Variants in TACC3 observed in about 807,000 individuals in gnomAD.
TACC3 encodes the protein transforming acidic coiled-coil containing protein 3, also known as transforming acidic coiled-coil-containing protein 3.
TACC3 carries 52 observed loss-of-function variants against 86.0 expected under a neutral mutation model. That is an observed-to-expected ratio of 0.60 (90% CI 0.48 to 0.76). The LOEUF is 0.76. Ranked by LOEUF, TACC3 falls within the 30% of genes least tolerant of loss-of-function variation. The probability of loss-of-function intolerance (pLI) is 0.00; values close to 1 mark genes in which losing one functional copy is unlikely to be tolerated. For synonymous variants in TACC3, 512 were observed against 430.0 expected, an observed-to-expected ratio of 1.19 and a Z score of -2.36; for missense variants, 1,120 against 1,070.4, an observed-to-expected ratio of 1.05 and a Z score of -0.65.
intron 4 of TACC3, 154 bp from the exon 5 acceptor site, chr4:1,730,733 C>A: frequency 1.1e-6 from 1 of 908,892 alleles, no homozygotes; most frequent in Non-Finnish European, 1.8e-6. Flanking sequence ...GGCCAGGTCG[C>A]TTGGGACAGC....
At chr4:1,729,868 A>T (rs1190055018) in intron 4 of TACC3, among the ~76,000 whole-genome samples, 2 of 152,038 alleles carry the variant, frequency 1.3e-5, no homozygotes. Flanking sequence ...CGCTAGACCA[A>T]GCTAGGTAAC....
chr4:1,723,409 C>A lies in TACC3; in HGVS notation c.-1-12C>A, dbSNP rs563025891. On this transcript the variant is annotated splice_polypyrimidine_tract_variant and intron_variant, in intron 1 of 15. Transcript: ENST00000313288. ...GCCCTCACACTGACACAAACATGTT[C>A]TGCTTTTCCAGAATGAGTCTGCAGG... 3.2e-5 allele frequency: 51 copies of A among 1,610,574 alleles called. No homozygotes were observed. Among genetic ancestry groups the A allele is most frequent in the Non-Finnish European group, 4.2e-5 (49 of 1,178,188 alleles).
intron 5 of TACC3, 35 bp from the exon 6 acceptor site, chr4:1,731,137 T>C (rs1308476996): frequency 6.2e-7 from 1 of 1,610,528 alleles, no homozygotes; most frequent in African/African-American, 1.3e-5. Flanking sequence ...GTACCTTGAC[T>C]GCACTGCACA....
rs1167514156 is a variant in TACC3, at chr4:1,737,666, C to G, written c.1905C>G (p.Asp635Glu). Reference protein sequence around the residue: ...GPPLSTGPIVDLLQYSQKDLD... With the variant: ...GPPLSTGPIVELLQYSQKDLD... ...CCCTGTCCACCGGACCTATAGTGGA[C>G]CTGCTCCAGTACAGCCAGAAGGACC... Residue 635 changes from aspartate to glutamate, a missense_variant, in exon 10 of 16, where the codon GAC becomes GAG. Transcript: ENST00000313288. 1.3e-6 allele frequency: 2 copies of G among 1,550,334 alleles called. No individual in the cohort carries two copies. Among genetic ancestry groups the G allele is most frequent in the East Asian group, 4.9e-5 (2 of 40,922 alleles).
At chr4:1,732,228 C>T (rs943400582) in intron 6 of TACC3, among the ~76,000 whole-genome samples, 7 of 148,196 alleles carry the variant, frequency 4.7e-5, no homozygotes, top group African/African-American at 1.0e-4. Context: ...ACGGTTTGTC[C>T]GTAAGATTGG....
chr4:1,731,682 C>G (rs997654538), intron 6 of TACC3, among the ~76,000 whole-genome samples: 6 of 152,118 alleles, frequency 3.9e-5, no homozygotes, highest in African/African-American at 1.2e-4. Context: ...GTCACCCAGC[C>G]TGGAATGCAG....
At chr4:1,723,971 T>TTTG in intron 3 of TACC3, 101 bp downstream of exon 3, 6 of 1,373,792 alleles carry the variant, frequency 4.4e-6, no homozygotes, top group Non-Finnish European at 6.0e-6. Context: ...TGGCTGGATT[T>TTTG]TTTGTTTGTT....
chr4:1,723,635 T>C lies in TACC3; in HGVS notation c.162+52T>C, dbSNP rs775999949. 3 of 1,609,310 alleles carry C rather than the reference T, an allele frequency of 1.9e-6. No homozygotes were observed. In the South Asian group the frequency reaches 3.3e-5, roughly 18 times the overall value. ...CTGGCCAGGTTGCCCTAGGGCCTGC[T>C]TTCTTGGTGACCTCTGAGCTGCAGG... On this transcript the variant is annotated intron_variant, in intron 2 of 15. Transcript: ENST00000313288.
Position 1,735,666 on chromosome 4 carries a change from C to T in TACC3, c.1645-65C>T, listed in dbSNP as rs1718220730. 1.6e-6 allele frequency: 2 copies of T among 1,263,352 alleles called. No homozygotes were observed. Among genetic ancestry groups the T allele is most frequent in the Admixed American group, 3.8e-5 (2 of 52,150 alleles). 78.3% of individuals were successfully genotyped at this position (1,263,352 alleles called of 1,614,324 possible). On this transcript the variant is annotated intron_variant, in intron 7 of 15. Coordinates refer to ENST00000313288, the MANE Select transcript of TACC3 (RefSeq NM_006342.3). This position sits in a 1 kb window ranked among gnomAD's most constrained non-coding sequence, Gnocchi z 4.2. The stretch of plus-strand genomic sequence containing the variant: ...GGGAGTGTGCAGGTGACCTCCCTGG[C>T]CCTTAGCCCCCGTGTGTGTTAGGGG...
intron 13 of TACC3, among the ~76,000 whole-genome samples, chr4:1,742,798 CA>C (rs755757373): frequency 3.6e-4 from 48 of 133,088 alleles, no homozygotes; most frequent in Admixed American, 5.3e-4. Flanking sequence ...GACTCCATCT[CA>C]AAAAAAAAAA....
chr4:1,743,990 A>AG (rs1012971183), intron 13 of TACC3, among the ~76,000 whole-genome samples: 1 of 152,126 alleles, frequency 6.6e-6, no homozygotes, highest in African/African-American at 2.4e-5. Context: ...GAAGGCAGGT[A>AG]GGCTGAGCCT....
Position 1,723,183 on chromosome 4 carries a change from G to A in TACC3, c.-1-238G>A, listed in dbSNP as rs554842878. 4 of 549,560 alleles carry A rather than the reference G, an allele frequency of 7.3e-6. No individual in the cohort carries two copies. In the East Asian group the frequency reaches 1.2e-4, roughly 17 times the overall value. The allele number at this position is 549,560 out of a possible 1,614,324, so 34.0% of individuals were successfully genotyped here. ...GCCCTTTAGCTCTTGGTCCCAGGAA[G>A]CAGCAGTGCTGCCCATGGCTCCCCC... On this transcript the variant is annotated intron_variant, in intron 1 of 15. Coordinates refer to ENST00000313288, the MANE Select transcript of TACC3 (RefSeq NM_006342.3).
Position 1,745,053 on chromosome 4 carries a change from T to C in TACC3, c.*40T>C, listed in dbSNP as rs1718785061. 5 of 1,559,586 alleles carry C rather than the reference T, an allele frequency of 3.2e-6. No homozygotes were observed. Among genetic ancestry groups the C allele is most frequent in the Non-Finnish European group, 4.3e-6 (5 of 1,149,640 alleles). On this transcript the variant is annotated 3_prime_UTR_variant, in exon 16 of 16. Coordinates refer to ENST00000313288, the MANE Select transcript of TACC3 (RefSeq NM_006342.3). ...CTGTCCCCGCCCCCCTGCTCCCGTCTGTCTGTCCTGTCTGATTCTCTTAGG... is the reference window on the plus strand; with the variant it reads ...CTGTCCCCGCCCCCCTGCTCCCGTCCGTCTGTCCTGTCTGATTCTCTTAGG...
chr4:1,733,967 ACT>A lies in TACC3; in HGVS notation c.1592-1303_1592-1302del, dbSNP rs1311072060. On this transcript the variant is annotated intron_variant, in intron 6 of 15. Coordinates refer to ENST00000313288, the MANE Select transcript of TACC3 (RefSeq NM_006342.3). ...CACTCCACCTGAGCAACAGAGCAAG[ACT>A]CTGTCTCAAAAAAAAAAAAAAGAAA... Among the ~76,000 whole-genome samples, 5 of 142,676 alleles carry A rather than the reference ACT, an allele frequency of 3.5e-5. No individual in the cohort carries two copies. The East Asian group carries it at 6.0e-4, about 17-fold the overall frequency. The allele number at this position is 142,676 out of a possible 152,430, so 93.6% of individuals were successfully genotyped here.
At position 1,740,884 on chromosome 4, in the gene TACC3, A is replaced by T. The variant is rs757937476; in HGVS notation, c.2121A>T (p.Glu707Asp). The change falls in exon 13 of 16, where the codon GAA (glutamate) becomes GAT (aspartate). Residue 707 changes from glutamate to aspartate, a missense_variant. Transcript: ENST00000313288. The part of the protein sequence containing the change: ...SKAEIQKVLK[E>D]KDQLTTDLNS... ...CTGAAATCCAGAAAGTTCTAAAAGA[A>T]AAAGACCAACTTACCACAGATCTGA... 1 of 1,613,162 alleles carries T rather than the reference A, an allele frequency of 6.2e-7. No homozygotes were observed. The highest frequency in any genetic ancestry group is 8.5e-7 in the Non-Finnish European group (1 of 1,179,826).
intron 6 of TACC3, among the ~76,000 whole-genome samples, chr4:1,732,747 G>C (rs560559811): frequency 5.9e-5 from 9 of 152,180 alleles, no homozygotes; most frequent in Non-Finnish European, 1.2e-4. Context: ...CGTCTCCCTC[G>C]GGGAGGTGTG....
At position 1,744,607 on chromosome 4, in the gene TACC3, G is replaced by A. The variant is rs577439720; in HGVS notation, c.2313G>A (p.Ala771=). ...GQRYQALKAH[A]EEKLQLANEE... ...GGTACCAAGCCCTGAAGGCCCACGC[G>A]GAGGAGAAGCTGCAGCTGTGAGTGC... is the stretch of plus-strand genomic sequence containing the variant. The change falls in exon 14 of 16, where the codon GCG becomes GCA. Residue 771 remains alanine, a synonymous_variant. Coordinates refer to ENST00000313288, the MANE Select transcript of TACC3 (RefSeq NM_006342.3). 4.5e-5 allele frequency: 73 copies of A among 1,613,006 alleles called. No homozygotes were observed. The highest frequency in any genetic ancestry group is 8.9e-5 in the East Asian group (4 of 44,896).
intron 3 of TACC3, among the ~76,000 whole-genome samples, chr4:1,726,509 A>G (rs1384477400): frequency 6.6e-6 from 1 of 152,236 alleles, no homozygotes; most frequent in African/African-American, 2.4e-5. Flanking sequence ...CCACAGGACA[A>G]TGTTGACTGA....
chr4:1,730,411 A>G, intron 4 of TACC3: 2 of 253,496 alleles, frequency 7.9e-6, no homozygotes, highest in East Asian at 2.0e-4. Context: ...ACTAATGATT[A>G]ACGATATTCA....
Sources: allele counts gnomAD v4.1 joint callset (sites outside exome capture counted in the v4.1 genomes callset), GRCh38; gene constraint gnomAD v4.1.1; non-coding constraint Gnocchi (gnomAD v3.1); transcripts MANE v1.5; gene names NCBI Gene and HGNC (gene_info 2026-07-23, HGNC 2026-07-21).